Variants in DMGDH observed in about 807,000 individuals in gnomAD.
DMGDH encodes dimethylglycine dehydrogenase, mitochondrial.
In DMGDH, 76 loss-of-function variants were observed where a neutral mutation model predicts 95.2. The observed-to-expected ratio is 0.80, with a 90% CI of 0.66 to 0.97. The LOEUF (loss-of-function observed/expected upper bound fraction) is 0.97, where lower values mean the gene tolerates loss of function less well. Ranked by LOEUF, DMGDH falls within the 50% of genes least tolerant of loss-of-function variation. The pLI is 0.00. For synonymous variants in DMGDH, 345 were observed against 377.6 expected, an observed-to-expected ratio of 0.91 and a Z score of 1.00; for missense variants, 987 against 1,055.0, an observed-to-expected ratio of 0.94 and a Z score of 0.89.
intron 1 of DMGDH, among the ~76,000 whole-genome samples, chr5:79,067,827 C>G (rs956115932): frequency 2.6e-5 from 4 of 152,168 alleles, no homozygotes; most frequent in African/African-American, 4.8e-5. Flanking sequence ...AAACTGTATG[C>G]TTGTTCAACT....
At chr5:79,001,224 G>T (rs546655937) in intron 15 of DMGDH, 1 of 332,386 alleles carries the variant, frequency 3.0e-6, no homozygotes, top group Non-Finnish European at 5.5e-6. Flanking sequence ...GTGCAGAGGC[G>T]CAATCTTGGC....
intron 4 of DMGDH, 62 bp downstream of exon 4, chr5:79,054,122 A>T (rs1294447858): frequency 6.3e-7 from 1 of 1,578,120 alleles, no homozygotes; most frequent in East Asian, 2.2e-5. Context: ...TTAACTTCTT[A>T]ATAACTTTTT....
intron 15 of DMGDH, among the ~76,000 whole-genome samples, chr5:79,002,973 G>A (rs1753479343): frequency 6.6e-6 from 1 of 152,192 alleles, no homozygotes; most frequent in Non-Finnish European, 1.5e-5. Flanking sequence ...TATATGCATA[G>A]GGCAAAGGAA....
intron 3 of DMGDH, 143 bp from the exon 4 acceptor site, chr5:79,054,491 T>G: frequency 1.1e-6 from 1 of 908,894 alleles, no homozygotes; most frequent in African/African-American, 1.7e-5. Flanking sequence ...TATTTGCATC[T>G]TATTAAAAGA....
Position 79,067,270 on chromosome 5 carries a change from G to A in DMGDH, c.101+2250C>T, listed in dbSNP as rs540941693. Among the ~76,000 whole-genome samples the A allele has an allele frequency of 8.5e-5, 13 of 152,246 alleles. No homozygotes were observed. In the South Asian group the frequency reaches 2.7e-3, roughly 32 times the overall value. On this transcript the variant is annotated intron_variant, in intron 1 of 15. Transcript: ENST00000255189. ...GACTATTAATGTCTCTTTGTATGCT[G>A]TGTGAGAAAAAAATAATGTACATAT...
At chr5:79,048,500 G>C (rs1754744521) in intron 5 of DMGDH, among the ~76,000 whole-genome samples, 1 of 152,112 alleles carries the variant, frequency 6.6e-6, no homozygotes. Context: ...TGAGGGCCTT[G>C]CCTGAATTTG....
Position 79,051,431 on chromosome 5 carries a change from C to A in DMGDH, c.601G>T (p.Ala201Ser). ...GHIDPYSLTM[A>S]LAAGARKCGA... Reference sequence around the variant, plus strand: ...CATTTCCTAGCCCCAGCAGCCAGTGCCATAGTTAGAGAATAAGGATCAATG... The same window carrying A: ...CATTTCCTAGCCCCAGCAGCCAGTGACATAGTTAGAGAATAAGGATCAATG... The change falls in exon 5 of 16, where the codon GCA becomes TCA. Residue 201 changes from alanine to serine, a missense_variant. Transcript: ENST00000255189. 2 of 1,614,134 alleles carry A rather than the reference C, an allele frequency of 1.2e-6. No homozygotes were observed. Among genetic ancestry groups the A allele is most frequent in the Non-Finnish European group, 1.7e-6 (2 of 1,180,016 alleles).
At chr5:79,062,194 C>T (rs1317822757) in intron 2 of DMGDH, among the ~76,000 whole-genome samples, 1 of 151,924 alleles carries the variant, frequency 6.6e-6, no homozygotes, top group Non-Finnish European at 1.5e-5. Context: ...CCTCCTTCTT[C>T]TCCTCCTCCA....
At chr5:79,008,386 T>C (rs2112601991) in intron 14 of DMGDH, among the ~76,000 whole-genome samples, 1 of 152,328 alleles carries the variant, frequency 6.6e-6, no homozygotes, top group East Asian at 1.9e-4. Context: ...ACCCCACAGA[T>C]ACTGGATTTG....
At chr5:79,040,697 T>C (rs1754484689) in intron 7 of DMGDH, among the ~76,000 whole-genome samples, 1 of 152,192 alleles carries the variant, frequency 6.6e-6, no homozygotes, top group Non-Finnish European at 1.5e-5. Flanking sequence ...AGAAAAGTTC[T>C]GCAAATCATG....
At chr5:78,999,462 C>T (rs936633052) in intron 15 of DMGDH, among the ~76,000 whole-genome samples, 1 of 152,184 alleles carries the variant, frequency 6.6e-6, no homozygotes, top group East Asian at 1.9e-4. Flanking sequence ...TCCCGAGTGG[C>T]TGGGACTACA....
chr5:79,068,814 G>A (rs1269886196), intron 1 of DMGDH, among the ~76,000 whole-genome samples: 1 of 152,166 alleles, frequency 6.6e-6, no homozygotes, highest in Non-Finnish European at 1.5e-5. Context: ...ATCAGATTTA[G>A]CAAAGATAAC....
chr5:79,057,790 T>A (rs1009650116), intron 2 of DMGDH, among the ~76,000 whole-genome samples: 6 of 152,282 alleles, frequency 3.9e-5, no homozygotes, highest in African/African-American at 1.4e-4. Flanking sequence ...ATGTCCTATA[T>A]AAAACTGACA....
At chr5:79,010,565 C>T (rs768349783) in intron 14 of DMGDH, among the ~76,000 whole-genome samples, 5 of 152,198 alleles carry the variant, frequency 3.3e-5, no homozygotes, top group African/African-American at 4.8e-5. Context: ...ATGCTGTCCC[C>T]AGCCCCACTC....
At chr5:79,064,982 T>C (rs780465316) in intron 1 of DMGDH, among the ~76,000 whole-genome samples, 3 of 152,094 alleles carry the variant, frequency 2.0e-5, no homozygotes, top group Admixed American at 6.6e-5. Flanking sequence ...ACTCCTGACC[T>C]CAAGTGATCC....
intron 5 of DMGDH, among the ~76,000 whole-genome samples, chr5:79,049,150 A>G (rs1754764111): frequency 6.6e-6 from 1 of 152,098 alleles, no homozygotes; most frequent in Non-Finnish European, 1.5e-5. Flanking sequence ...ATCACCCCAC[A>G]AGATTTCACA....
chr5:79,005,288 G>A lies in DMGDH; in HGVS notation c.2370C>T (p.Ile790=), dbSNP rs1368474185. Residue 790 remains isoleucine, a synonymous_variant, in exon 15 of 16, where the codon ATC becomes ATT. Transcript: ENST00000255189. The part of the protein sequence containing the change: ...DDVDPEGNES[I]WYNGKVVGNT... ...CAGCACTCACCTTGCCATTGTACCA[G>A]ATGCTTTCATTTCCCTCTGGATCAA... is the stretch of plus-strand genomic sequence containing the variant. The A allele has an allele frequency of 6.2e-7, 1 of 1,613,776 alleles. No individual in the cohort carries two copies.
At chr5:79,063,904 G>T in intron 1 of DMGDH, 117 bp from the exon 2 acceptor site, 2 of 1,072,872 alleles carry the variant, frequency 1.9e-6, no homozygotes, top group Non-Finnish European at 2.8e-6. Flanking sequence ...ACTGAGATTT[G>T]CATGATACTG....
At chr5:79,028,310 G>A (rs1754055499) in intron 12 of DMGDH, 123 bp downstream of exon 12, 4 of 813,776 alleles carry the variant, frequency 4.9e-6, no homozygotes, top group Non-Finnish European at 7.9e-6. Flanking sequence ...AAGTGAGTGT[G>A]AGTGTGCACA....
Sources: allele counts gnomAD v4.1 joint callset (sites outside exome capture counted in the v4.1 genomes callset), GRCh38; gene constraint gnomAD v4.1.1; transcripts MANE v1.5; gene names NCBI Gene and HGNC (gene_info 2026-07-23, HGNC 2026-07-21).